Variants in COX5A observed in about 807,000 individuals in gnomAD.
COX5A encodes the protein cytochrome c oxidase subunit 5A, mitochondrial.
In COX5A, 6 loss-of-function variants were observed where a neutral mutation model predicts 16.1. That is an observed-to-expected ratio of 0.37 (90% CI 0.20 to 0.73). COX5A has a LOEUF of 0.73. COX5A is among the 30% of genes least tolerant of loss of function. The pLI is 0.50. For synonymous variants in COX5A, 73 were observed against 73.8 expected, an observed-to-expected ratio of 0.99 and a Z score of 0.06; for missense variants, 159 against 194.9, an observed-to-expected ratio of 0.82 and a Z score of 1.10.
intron 2 of COX5A, among the ~76,000 whole-genome samples, chr15:74,928,609 TCTC>T (rs2065353731): frequency 6.6e-6 from 1 of 152,152 alleles, no homozygotes; most frequent in African/African-American, 2.4e-5. Context: ...ATGGTCTTGA[TCTC>T]CTGACCTCGT....
chr15:74,926,886 C>A lies in COX5A; in HGVS notation c.219G>T (p.Gly73=), dbSNP rs752890652. The part of the protein sequence containing the change: ...PDIDAWELRK[G]INTLVTYDMV... Reference sequence around the variant, plus strand: ...TATCATAGGTAACAAGTGTGTTTATCCCTGCAAAATTAAAAAGAAGGGCCA... The same window carrying A: ...TATCATAGGTAACAAGTGTGTTTATACCTGCAAAATTAAAAAGAAGGGCCA... The change falls in exon 3 of 5, where the codon GGG becomes GGT. Residue 73 remains glycine (G), a splice_region_variant and synonymous_variant. Transcript: ENST00000322347. 6.2e-7 allele frequency: 1 copy of A among 1,608,490 alleles called. No homozygotes were observed. The highest frequency in any genetic ancestry group is 8.5e-7 in the Non-Finnish European group (1 of 1,178,284).
chr15:74,931,759 GC>G (rs1377728764), intron 1 of COX5A, among the ~76,000 whole-genome samples: 1 of 151,960 alleles, frequency 6.6e-6, no homozygotes, highest in Non-Finnish European at 1.5e-5. Context: ...TCACCACATT[GC>G]CCAGGCTGGT....
At chr15:74,922,048 T>G (rs2065323589) in intron 4 of COX5A, among the ~76,000 whole-genome samples, 1 of 151,430 alleles carries the variant, frequency 6.6e-6, no homozygotes, top group Non-Finnish European at 1.5e-5. Context: ...ATAAATAAAT[T>G]AAACAAAAAC....
At chr15:74,922,204 T>G (rs2065324233) in intron 4 of COX5A, among the ~76,000 whole-genome samples, 1 of 151,876 alleles carries the variant, frequency 6.6e-6, no homozygotes. Context: ...CTGGCCAACA[T>G]GGTGAAACCG....
chr15:74,937,754 C>T (rs1595864371), intron 1 of COX5A, 161 bp downstream of exon 1: 2 of 419,218 alleles, frequency 4.8e-6, no homozygotes, highest in Admixed American at 9.0e-5. Flanking sequence ...TTCAGGTCCT[C>T]CACTACTCGA....
chr15:74,937,662 G>A (rs1595864335), intron 1 of COX5A: 1 of 312,520 alleles, frequency 3.2e-6, no homozygotes, highest in East Asian at 4.8e-5. Context: ...CCCCTCCTCG[G>A]CGCCCACAGC....
At chr15:74,920,597 G>T (rs1256220880) in intron 4 of COX5A, among the ~76,000 whole-genome samples, 155 bp from the exon 5 acceptor site, 1 of 152,186 alleles carries the variant, frequency 6.6e-6, no homozygotes, top group Non-Finnish European at 1.5e-5. Context: ...ACCCACAAGC[G>T]ACTAGCTTTG....
chr15:74,920,530 G>A (rs1371734706), intron 4 of COX5A, 88 bp from the exon 5 acceptor site: 2 of 655,102 alleles, frequency 3.1e-6, no homozygotes, highest in Non-Finnish European at 5.4e-6. Context: ...CTACAACCAG[G>A]GAAATCACTG....
intron 4 of COX5A, 106 bp from the exon 5 acceptor site, chr15:74,920,548 G>C (rs2141268857): frequency 1.6e-6 from 1 of 635,306 alleles, no homozygotes; most frequent in Non-Finnish European, 2.7e-6. Flanking sequence ...CTGTCTCTCT[G>C]TACCCTTTAC....
intron 1 of COX5A, among the ~76,000 whole-genome samples, chr15:74,937,362 A>G (rs946177261): frequency 2.0e-5 from 3 of 152,200 alleles, no homozygotes; most frequent in African/African-American, 7.2e-5. Context: ...ACTTCCATCT[A>G]TTTTAAACGT....
At chr15:74,929,062 AAGC>A in intron 2 of COX5A, 51 bp downstream of exon 2, 1 of 1,218,462 alleles carries the variant, frequency 8.2e-7, no homozygotes, top group Non-Finnish European at 1.2e-6. Context: ...AAAGGAGCAG[AAGC>A]AGTTCATATT....
intron 3 of COX5A, among the ~76,000 whole-genome samples, chr15:74,926,171 C>G (rs1396024666): frequency 2.0e-5 from 3 of 151,554 alleles, no homozygotes; most frequent in Non-Finnish European, 4.4e-5. Context: ...TCCTGAGTAG[C>G]TGGGACTACA....
At position 74,920,088 on chromosome 15, in the gene COX5A, C is replaced by A. The variant is rs1043260981; in HGVS notation, c.*364G>T. 7.2e-5 allele frequency: 30 copies of A among 415,328 alleles called. No homozygotes were observed. The highest frequency in any genetic ancestry group is 1.1e-4 in the Non-Finnish European group (26 of 238,144). The allele number at this position is 415,328 out of a possible 1,614,324, so 25.7% of individuals were successfully genotyped here. Reference sequence around the variant, plus strand: ...CAACAAGAAAATTCTATATAAATGACTTCTAGCCTTCAGCTAATTTACAAG... The same window carrying A: ...CAACAAGAAAATTCTATATAAATGAATTCTAGCCTTCAGCTAATTTACAAG... On this transcript the variant is annotated 3_prime_UTR_variant, in exon 5 of 5. Coordinates refer to ENST00000322347, the MANE Select transcript of COX5A (RefSeq NM_004255.4).
At chr15:74,924,256 T>C (rs1479710962) in intron 3 of COX5A, among the ~76,000 whole-genome samples, 2 of 151,446 alleles carry the variant, frequency 1.3e-5, no homozygotes, top group East Asian at 3.9e-4. Context: ...GTAGGGCAAC[T>C]TGCTGGGTGC....
intron 4 of COX5A, among the ~76,000 whole-genome samples, chr15:74,922,664 C>CTT (rs941924508): frequency 3.3e-4 from 43 of 128,424 alleles, no homozygotes; most frequent in African/African-American, 6.5e-4. Flanking sequence ...CAAGTTGAGT[C>CTT]TTTTTTTTTT....
chr15:74,926,986 C>A, intron 2 of COX5A, 99 bp from the exon 3 acceptor site: 1 of 1,287,714 alleles, frequency 7.8e-7, no homozygotes, highest in Non-Finnish European at 1.1e-6. Flanking sequence ...ATGATCTTAT[C>A]TGTCTGGGTC....
At chr15:74,922,342 G>C (rs2065324862) in intron 4 of COX5A, among the ~76,000 whole-genome samples, 1 of 149,946 alleles carries the variant, frequency 6.7e-6, no homozygotes, top group Non-Finnish European at 1.5e-5. Context: ...CCGAGATCAT[G>C]CCATTGCACT....
chr15:74,924,905 CTT>C (rs1263505034), intron 3 of COX5A, among the ~76,000 whole-genome samples: 1 of 152,190 alleles, frequency 6.6e-6, no homozygotes, highest in African/African-American at 2.4e-5. Flanking sequence ...ACCACAGTAT[CTT>C]TTCATGGAGA....
At chr15:74,927,006 T>C (rs1009396735) in intron 2 of COX5A, 119 bp from the exon 3 acceptor site, 28 of 1,099,168 alleles carry the variant, frequency 2.5e-5, no homozygotes, top group Non-Finnish European at 3.3e-5. Flanking sequence ...CTCCATTCTC[T>C]TACCTATAAA....
Sources: allele counts gnomAD v4.1 joint callset (sites outside exome capture counted in the v4.1 genomes callset), GRCh38; gene constraint gnomAD v4.1.1; transcripts MANE v1.5; gene names NCBI Gene and HGNC (gene_info 2026-07-23, HGNC 2026-07-21).